The following GRM5 variants were observed in gnomAD, a reference collection of about 807,000 sequenced individuals.
GRM5 encodes the protein glutamate metabotropic receptor 5.
A neutral mutation model predicts 83.1 loss-of-function variants in GRM5; 19 were observed. The observed-to-expected ratio is 0.23, with a 90% CI of 0.16 to 0.34. GRM5 has a LOEUF of 0.34. Among genes scored for constraint, GRM5 ranks in the 10% least tolerant of loss-of-function variants. The pLI is 1.00. For missense variants in GRM5, 1,160 were observed against 1,588.3 expected (o/e 0.73, Z 4.58); for synonymous variants, 675 against 633.6 (o/e 1.07, Z -0.98).
Position 88,777,059 on chromosome 11 carries a change from C to CA in GRM5, c.911+72846_911+72847insT, listed in dbSNP as rs1321350455. Among the ~76,000 whole-genome samples, 3 of 152,190 alleles carry CA rather than the reference C, an allele frequency of 2.0e-5. No homozygotes were observed. In the South Asian group the frequency reaches 6.2e-4, roughly 31 times the overall value. ...TTTCCAACTTGGTTCCATTCTCCCCCTCACTTTCAGGTACACCAATCAAAC... is the reference window on the plus strand; with the variant it reads ...TTTCCAACTTGGTTCCATTCTCCCCCATCACTTTCAGGTACACCAATCAAAC... On this transcript the variant is annotated intron_variant, in intron 3 of 9. Transcript: ENST00000305447.
At chr11:88,647,356 A>G (rs141191450) in intron 4 of GRM5, among the ~76,000 whole-genome samples, 13 of 98,640 alleles carry the variant, frequency 1.3e-4, no homozygotes, top group African/African-American at 3.3e-4. Flanking sequence ...AAAGTATAAG[A>G]CACTCCTTAG....
chr11:88,962,962 G>A (rs577972299), intron 2 of GRM5, among the ~76,000 whole-genome samples: 8 of 152,270 alleles, frequency 5.3e-5, no homozygotes, highest in East Asian at 1.9e-4. Context: ...GGCGGCACAC[G>A]CCTGTAGTCC....
chr11:88,591,814 T>C (rs76624228), intron 6 of GRM5, among the ~76,000 whole-genome samples: 1,650 of 152,328 alleles, frequency 0.011, 8 homozygotes, highest in Non-Finnish European at 0.016. Flanking sequence ...ACTAAATAAG[T>C]GAGGCAAAAT....
intron 7 of GRM5, among the ~76,000 whole-genome samples, chr11:88,571,230 A>C (rs1358686808): frequency 6.6e-6 from 1 of 152,208 alleles, no homozygotes; most frequent in Non-Finnish European, 1.5e-5. Context: ...TCAGCTTATT[A>C]ACATCTGTGT....
At chr11:88,719,288 G>A (rs550966715) in intron 3 of GRM5, among the ~76,000 whole-genome samples, 2 of 151,940 alleles carry the variant, frequency 1.3e-5, no homozygotes, top group South Asian at 4.2e-4. Context: ...TCATCGTTTA[G>A]CTCCCATTTA....
chr11:88,526,880 G>A (rs1941890949), intron 8 of GRM5, among the ~76,000 whole-genome samples: 1 of 152,110 alleles, frequency 6.6e-6, no homozygotes, highest in Admixed American at 6.6e-5. Context: ...CACTACAGAT[G>A]TAAAGATAAG....
chr11:89,019,412 C>CAG (rs1256927915), intron 2 of GRM5, among the ~76,000 whole-genome samples: 6 of 151,876 alleles, frequency 4.0e-5, no homozygotes, highest in Non-Finnish European at 5.9e-5. Flanking sequence ...CAAACCCTTT[C>CAG]AGCTGGGCAT....
intron 3 of GRM5, among the ~76,000 whole-genome samples, chr11:88,772,119 T>C (rs1942750249): frequency 6.6e-6 from 1 of 152,178 alleles, no homozygotes; most frequent in Non-Finnish European, 1.5e-5. Flanking sequence ...TTGTTTTACT[T>C]ACTGTATCTT....
chr11:88,786,447 T>A (rs1286881778), intron 3 of GRM5, among the ~76,000 whole-genome samples: 1 of 152,138 alleles, frequency 6.6e-6, no homozygotes, highest in Non-Finnish European at 1.5e-5. Context: ...GCCAAAGTGC[T>A]TATAGTTCTT....
chr11:88,508,902 G>T lies in GRM5; in HGVS notation c.3329C>A (p.Thr1110Lys). ...CAGAGGCTGGATTTCGGCAAAGGTC[G>T]TCATGGTCGTGGGCAACTGGATCTC... is the stretch of plus-strand genomic sequence containing the variant. ...PKEIQLPTTMTTFAEIQPLPA... is the reference protein window; with the variant it reads ...PKEIQLPTTMKTFAEIQPLPA... Residue 1110 changes from threonine to lysine, a missense_variant, in exon 10 of 10, where the codon ACG (threonine) becomes AAG (lysine). Around this residue, in one of 9 missense-constraint regions of GRM5, gnomAD observed 562 missense variants for 532.4 expected, o/e 1.06. Transcript: ENST00000305447. This position sits in a 1 kb window ranked among gnomAD's most constrained non-coding sequence, Gnocchi z 4.2. The T allele has an allele frequency of 6.3e-7, 1 of 1,599,622 alleles. No homozygotes were observed. Among genetic ancestry groups the T allele is most frequent in the Non-Finnish European group, 8.5e-7 (1 of 1,173,896 alleles).
chr11:89,012,322 T>C (rs1461379466), intron 2 of GRM5, among the ~76,000 whole-genome samples: 2 of 152,156 alleles, frequency 1.3e-5, no homozygotes, highest in Admixed American at 1.3e-4. Context: ...GAATTCCTCA[T>C]GCCAATGAAG....
At chr11:89,027,520 T>C (rs1209882680) in intron 2 of GRM5, among the ~76,000 whole-genome samples, 1 of 152,232 alleles carries the variant, frequency 6.6e-6, no homozygotes, top group Non-Finnish European at 1.5e-5. Flanking sequence ...AAATAGTTTA[T>C]GACAAAGCTT....
chr11:88,720,750 C>T lies in GRM5; in HGVS notation c.912-67347G>A, dbSNP rs11021057. On this transcript the variant is annotated intron_variant, in intron 3 of 9. Transcript: ENST00000305447. The stretch of plus-strand genomic sequence containing the variant: ...ATTGTTATGTGCCCTGTGCAAAAGC[C>T]ATTTATATGGACAGACTCACACAGG... 1.2e-4 allele frequency among the ~76,000 whole-genome samples: 18 copies of T among 150,930 alleles called. No homozygotes were observed. The East Asian group carries it at 3.5e-3, about 29-fold the overall frequency.
intron 2 of GRM5, among the ~76,000 whole-genome samples, chr11:88,950,351 A>C (rs1232345194): frequency 6.8e-6 from 1 of 147,494 alleles, no homozygotes; most frequent in African/African-American, 2.5e-5. Context: ...TTGTGAGATA[A>C]GTGTGTGTGT....
chr11:88,779,740 G>A (rs1406016136), intron 3 of GRM5, among the ~76,000 whole-genome samples: 1 of 152,054 alleles, frequency 6.6e-6, no homozygotes, highest in Non-Finnish European at 1.5e-5. Context: ...TGGATTCTTA[G>A]TCACCGAAAA....
intron 3 of GRM5, among the ~76,000 whole-genome samples, chr11:88,787,628 T>A (rs1943098174): frequency 6.6e-6 from 1 of 152,046 alleles, no homozygotes; most frequent in Non-Finnish European, 1.5e-5. Context: ...CCAGGTGAGA[T>A]CCCATGATTT....
intron 8 of GRM5, among the ~76,000 whole-genome samples, chr11:88,562,009 C>A (rs780556710): frequency 1.3e-5 from 2 of 152,132 alleles, no homozygotes; most frequent in Non-Finnish European, 2.9e-5. Context: ...AAGATATGAA[C>A]TACTCTTCAG....
At chr11:88,653,116 A>T in intron 4 of GRM5, 52 bp downstream of exon 4, 1 of 1,132,412 alleles carries the variant, frequency 8.8e-7, no homozygotes, top group East Asian at 2.4e-5. Context: ...TGGTTTACTT[A>T]AATTGGAACC....
At chr11:88,849,789 A>G (rs1456025451) in intron 3 of GRM5, 117 bp downstream of exon 3, 3 of 956,654 alleles carry the variant, frequency 3.1e-6, no homozygotes, top group African/African-American at 1.6e-5. Flanking sequence ...TTTAAGCTCT[A>G]TTTCCACTGC....
Sources: gnomAD v4.1 joint callset for allele counts (sites outside exome capture counted in the v4.1 genomes callset) on GRCh38, gnomAD v4.1.1 for gene constraint, gnomAD v4.1.1 regional missense constraint, Gnocchi (gnomAD v3.1) non-coding constraint, MANE v1.5 for transcripts, NCBI Gene and HGNC (gene_info 2026-07-23, HGNC 2026-07-21) for gene names.